The following CASK variants were observed in gnomAD, a reference collection of about 807,000 sequenced individuals.
CASK encodes calcium/calmodulin dependent serine protein kinase, also known as peripheral plasma membrane protein CASK.
Under a neutral mutation model 82.9 loss-of-function variants are expected in CASK, and 4 were observed. That is an observed-to-expected ratio of 0.05 (90% CI 0.02 to 0.11). The LOEUF is 0.11. CASK is among the 10% of genes least tolerant of loss of function. The pLI, the probability that CASK is intolerant of heterozygous loss-of-function variation, is 1.00. For missense variants in CASK, 358 were observed against 720.9 expected (o/e 0.50, Z 5.76); for synonymous variants, 259 against 253.5 (o/e 1.02, Z -0.20).
chrX:41,885,199 G>C (rs888023963), intron 1 of CASK, among the ~76,000 whole-genome samples: 1 of 111,684 alleles, frequency 9.0e-6, no homozygotes, highest in African/African-American at 3.3e-5. Context: ...CCAATAAACT[G>C]GAAATAAGTC....
chrX:41,907,962 T>C (rs1186780070), intron 1 of CASK, among the ~76,000 whole-genome samples: 1 of 111,995 alleles, frequency 8.9e-6, no homozygotes, highest in Non-Finnish European at 1.9e-5. Context: ...AATCTAATGC[T>C]GCCACTGATC....
At chrX:41,598,233 T>A (rs992084938) in intron 12 of CASK, among the ~76,000 whole-genome samples, 1 of 111,867 alleles carries the variant, frequency 8.9e-6, no homozygotes, top group African/African-American at 3.3e-5. Context: ...GCAGTGTATT[T>A]AGCAGTGGCC....
In CASK at chrX:41,842,596, G is replaced by A. The variant is rs758988199; in HGVS notation, c.172+10519C>T. On this transcript the variant is annotated intron_variant, in intron 2 of 26. Coordinates refer to ENST00000378163, the MANE Select transcript of CASK (RefSeq NM_001367721.1). ...AAAAAAAAAAAAAAATTCTGAAGTT[G>A]AAAAATGTGAGTACTCCAACTTTGT... Among the ~76,000 whole-genome samples, 17 of 109,366 alleles carry A rather than the reference G, an allele frequency of 1.6e-4. No homozygotes were observed. In the South Asian group the frequency reaches 1.6e-3, roughly 10 times the overall value. The allele number at this position is 109,366 out of a possible 115,157, so 95.0% of individuals were successfully genotyped here.
At position 41,727,758 on chromosome X, in the gene CASK, C is replaced by T. The variant is rs1477368628; in HGVS notation, c.429+11626G>A. ...CCATTATGGAGAAAGATTTGACTTACAGTTCTGTGAAAAGACATCTTTTGG... is the reference window on the plus strand; with the variant it reads ...CCATTATGGAGAAAGATTTGACTTATAGTTCTGTGAAAAGACATCTTTTGG... On this transcript the variant is annotated intron_variant, in intron 5 of 26. Transcript: ENST00000378163. The T allele has an allele frequency of 2.5e-6, 3 of 1,206,741 alleles. No homozygotes were observed. The African/African-American group carries it at 5.2e-5, about 21-fold the overall frequency.
chrX:41,689,416 T>G (rs1274731311), intron 5 of CASK, among the ~76,000 whole-genome samples: 1 of 112,203 alleles, frequency 8.9e-6, no homozygotes, highest in Non-Finnish European at 1.9e-5. Context: ...TATTTTCATA[T>G]GCAATACATT....
chrX:41,576,007 C>T (rs971114226), intron 15 of CASK, among the ~76,000 whole-genome samples: 2 of 108,182 alleles, frequency 1.8e-5, no homozygotes, highest in East Asian at 5.8e-4. Context: ...CGGAGTCTCA[C>T]TCTGCTGCCC....
At chrX:41,795,814 G>T (rs1057381407) in intron 2 of CASK, among the ~76,000 whole-genome samples, 3 of 111,429 alleles carry the variant, frequency 2.7e-5, no homozygotes, top group African/African-American at 9.8e-5. Context: ...ATGGAAGGAA[G>T]GCGGGGCCTT....
chrX:41,702,837 G>A (rs1404364865), intron 5 of CASK, among the ~76,000 whole-genome samples: 5 of 111,796 alleles, frequency 4.5e-5, no homozygotes, highest in Non-Finnish European at 9.4e-5. Flanking sequence ...TTTAAAACTA[G>A]TCTTCTAACC....
chrX:41,656,629 G>T (rs1342428751), intron 8 of CASK, among the ~76,000 whole-genome samples: 1 of 110,898 alleles, frequency 9.0e-6, no homozygotes, highest in East Asian at 2.8e-4. Context: ...GGAAGGGCTG[G>T]CTTACTTGCC....
intron 3 of CASK, among the ~76,000 whole-genome samples, chrX:41,771,712 G>A (rs2069247599): frequency 9.0e-6 from 1 of 110,795 alleles, no homozygotes; most frequent in Admixed American, 9.7e-5. Context: ...TTAACAGAGG[G>A]AAAATAGAAT....
intron 8 of CASK, among the ~76,000 whole-genome samples, chrX:41,647,452 G>A (rs896908536): frequency 1.8e-5 from 2 of 111,847 alleles, no homozygotes; most frequent in Non-Finnish European, 3.8e-5. Context: ...TAAACCCCAC[G>A]ACTTAGATTA....
At chrX:41,726,890 T>C (rs1401869477) in intron 5 of CASK, 5 of 356,580 alleles carry the variant, frequency 1.4e-5, no homozygotes, top group Non-Finnish European at 2.4e-5. Flanking sequence ...ACATTTTTGT[T>C]ACTATTTTAT....
chrX:41,915,717 C>T (rs899847776), intron 1 of CASK, among the ~76,000 whole-genome samples: 2 of 109,931 alleles, frequency 1.8e-5, no homozygotes, highest in South Asian at 3.9e-4. Flanking sequence ...AGGCTGGACG[C>T]GGTGGCTCAC....
At chrX:41,836,104 A>C (rs183873425) in intron 2 of CASK, among the ~76,000 whole-genome samples, 51 of 111,948 alleles carry the variant, frequency 4.6e-4, no homozygotes, top group Non-Finnish European at 1.9e-4. Flanking sequence ...CTCATAATTT[A>C]TTGTCTAAGG....
intron 24 of CASK, 148 bp downstream of exon 24, chrX:41,534,558 C>A: frequency 2.1e-6 from 1 of 483,604 alleles, no homozygotes. Flanking sequence ...TTACTGTTAA[C>A]TCATTTTCCT....
At chrX:41,544,138 T>C (rs944510192) in intron 21 of CASK, among the ~76,000 whole-genome samples, 1 of 112,692 alleles carries the variant, frequency 8.9e-6, no homozygotes, top group Non-Finnish European at 1.9e-5. Context: ...AATATACGTG[T>C]TGCAGATATC....
rs751562803 is a variant in CASK, at chrX:41,822,677, C to A, written c.172+30438G>T. On this transcript the variant is annotated intron_variant, in intron 2 of 26. Coordinates refer to ENST00000378163, the MANE Select transcript of CASK (RefSeq NM_001367721.1). ...AAATGGCAGGATCATTATTTGAACCCAAGTCTCCTGAAATTAACTTCCTTT... is the reference window on the plus strand; with the variant it reads ...AAATGGCAGGATCATTATTTGAACCAAAGTCTCCTGAAATTAACTTCCTTT... Among the ~76,000 whole-genome samples the A allele has an allele frequency of 4.4e-4, 48 of 110,038 alleles. 1 individual carries two copies. Among genetic ancestry groups the A allele is most frequent in the Admixed American group, 1.4e-3 (15 of 10,357 alleles).
At chrX:41,540,647 G>A (rs1282500958) in intron 22 of CASK, among the ~76,000 whole-genome samples, 1 of 112,262 alleles carries the variant, frequency 8.9e-6, no homozygotes, top group Non-Finnish European at 1.9e-5. Flanking sequence ...AAGCTTACAG[G>A]TGTGTTTGCA....
chrX:41,790,683 T>C (rs1295183441), intron 2 of CASK, among the ~76,000 whole-genome samples: 4 of 111,898 alleles, frequency 3.6e-5, no homozygotes, highest in Non-Finnish European at 7.5e-5. Context: ...AACATAAAAA[T>C]ATATTTCAAA....
Sources: allele counts gnomAD v4.1 joint callset (sites outside exome capture counted in the v4.1 genomes callset), GRCh38; gene constraint gnomAD v4.1.1; transcripts MANE v1.5; gene names NCBI Gene and HGNC (gene_info 2026-07-23, HGNC 2026-07-21).